Variants in PSPC1 observed in about 807,000 individuals in gnomAD.
PSPC1 encodes paraspeckle component 1, also known as paraspeckle protein 1.
PSPC1 carries 14 observed loss-of-function variants against 51.6 expected under a neutral mutation model. That is an observed-to-expected ratio of 0.27 (90% confidence interval 0.18 to 0.42). The LOEUF (loss-of-function observed/expected upper bound fraction) is 0.42. PSPC1 is among the 10% of genes least tolerant of loss of function. PSPC1 has a pLI of 1.00. For missense variants in PSPC1, 406 were observed against 701.1 expected, an observed-to-expected ratio of 0.58 and a Z score of 4.75; for synonymous variants, 193 against 231.9, an observed-to-expected ratio of 0.83 and a Z score of 1.53.
intron 5 of PSPC1, among the ~76,000 whole-genome samples, chr13:19,733,778 G>A (rs201376485): frequency 7.9e-5 from 11 of 138,528 alleles, no homozygotes; most frequent in East Asian, 4.1e-4. Flanking sequence ...CAAGAAAAAA[G>A]AAAAAAAAAT....
rs138491113 is a variant in PSPC1, at chr13:19,727,898, A to T, written c.1158+2341T>A. Among the ~76,000 whole-genome samples the T allele has an allele frequency of 8.6e-3, 1,312 of 152,322 alleles. 21 individuals carry two copies. Among genetic ancestry groups the T allele is most frequent in the African/African-American group, 0.03 (1,255 of 41,588 alleles). ...AAAGACAAACCTAAATGCAATTAAG[A>T]CATATTATTAAAATGTATACATTCT... On this transcript the variant is annotated intron_variant, in intron 6 of 8. Transcript: ENST00000338910.
At chr13:19,741,675 T>G in intron 4 of PSPC1, 26 bp from the exon 5 acceptor site, 1 of 1,439,772 alleles carries the variant, frequency 6.9e-7, no homozygotes, top group African/African-American at 1.4e-5. Context: ...TGCACATTAA[T>G]ATTTTTAGTT....
chr13:19,699,763 A>G (rs1040891569), downstream of PSPC1, among the ~76,000 whole-genome samples: 1 of 152,024 alleles, frequency 6.6e-6, no homozygotes, highest in African/African-American at 2.4e-5. Flanking sequence ...GAACACAGGA[A>G]AACATGAATA....
intron 6 of PSPC1, among the ~76,000 whole-genome samples, chr13:19,712,162 A>C (rs1418518595): frequency 2.0e-5 from 3 of 150,940 alleles, no homozygotes; most frequent in African/African-American, 7.5e-5. Context: ...ATCGAGTAAA[A>C]TACATGGATT....
At chr13:19,717,705 CAAAAAA>C (rs780984201) in intron 6 of PSPC1, among the ~76,000 whole-genome samples, 17 of 72,256 alleles carry the variant, frequency 2.4e-4, no homozygotes, top group Non-Finnish European at 2.7e-4. Flanking sequence ...GACTCTGTCT[CAAAAAA>C]AAAAAAAAAA....
At chr13:19,698,755 G>A (rs180844185), downstream of PSPC1, among the ~76,000 whole-genome samples, 52 of 151,990 alleles carry the variant, frequency 3.4e-4, no homozygotes, top group East Asian at 9.1e-3. Flanking sequence ...GCAGAGGAGG[G>A]AACTGATAGT....
intron 5 of PSPC1, among the ~76,000 whole-genome samples, chr13:19,739,407 A>G (rs746906900): frequency 3.2e-4 from 49 of 152,212 alleles, no homozygotes; most frequent in Non-Finnish European, 5.7e-4. Context: ...AGATTCAGGT[A>G]AGCCTTTATG....
intron 1 of PSPC1, among the ~76,000 whole-genome samples, chr13:19,779,975 C>G (rs1246640184): frequency 2.1e-5 from 3 of 142,074 alleles, no homozygotes; most frequent in East Asian, 2.2e-4. Flanking sequence ...GTCGGCCCCC[C>G]GCCCGGCCAG....
chr13:19,745,206 T>C (rs1388047010), intron 4 of PSPC1, among the ~76,000 whole-genome samples: 1 of 152,062 alleles, frequency 6.6e-6, no homozygotes, highest in Non-Finnish European at 1.5e-5. Flanking sequence ...TAGTCCCAGC[T>C]ACTCAAGGAG....
chr13:19,703,790 A>T (rs141536121), intron 8 of PSPC1, among the ~76,000 whole-genome samples: 50 of 152,302 alleles, frequency 3.3e-4, no homozygotes, highest in African/African-American at 1.2e-3. Flanking sequence ...TTTAAAAGTA[A>T]ACATTCTAAA....
intron 1 of PSPC1, among the ~76,000 whole-genome samples, chr13:19,776,719 G>C (rs1566059049): frequency 1.3e-5 from 2 of 151,912 alleles, no homozygotes; most frequent in East Asian, 4.0e-4. Flanking sequence ...GTGTTAGCCA[G>C]GATGGTCTCG....
Position 19,782,632 on chromosome 13 carries a change from G to A in PSPC1, c.126C>T (p.Ala42=), listed in dbSNP as rs770605163. 8 of 1,570,806 alleles carry A rather than the reference G, an allele frequency of 5.1e-6. No individual in the cohort carries two copies. Among genetic ancestry groups the A allele is most frequent in the East Asian group, 2.5e-5 (1 of 40,458 alleles). The change falls in exon 1 of 9, where the codon GCC becomes GCT. Residue 42 remains alanine (A), a synonymous_variant. Transcript: ENST00000338910. The surrounding 1 kb of genome is among the most constrained non-coding windows in gnomAD (Gnocchi z 4.5). ...AAAAAMALAL[A]GEPAPPAPAP... Reference sequence around the variant, plus strand: ...CGGGCGCGGGCGGTGCCGGCTCCCCGGCAAGAGCGAGCGCCATGGCTGCCG... The same window carrying A: ...CGGGCGCGGGCGGTGCCGGCTCCCCAGCAAGAGCGAGCGCCATGGCTGCCG...
downstream of PSPC1, among the ~76,000 whole-genome samples, chr13:19,700,561 T>A (rs1388179912): frequency 6.6e-6 from 1 of 152,082 alleles, no homozygotes; most frequent in Non-Finnish European, 1.5e-5. Flanking sequence ...ATGCATTTAT[T>A]TACAAAATAT....
chr13:19,699,584 G>T (rs75668481), downstream of PSPC1, among the ~76,000 whole-genome samples: 763 of 151,882 alleles, frequency 5.0e-3, 8 homozygotes, highest in African/African-American at 0.018. Flanking sequence ...CATAAGAGGT[G>T]GACTCTTCGA....
chr13:19,696,397 A>T (rs1879241438), intron 6 of PSPC1, among the ~76,000 whole-genome samples: 1 of 152,070 alleles, frequency 6.6e-6, no homozygotes, highest in South Asian at 2.1e-4. Context: ...AATTTTTTGG[A>T]ACAAACAACT....
intron 6 of PSPC1, among the ~76,000 whole-genome samples, chr13:19,710,899 G>A (rs1008037215): frequency 7.9e-5 from 12 of 151,360 alleles, no homozygotes; most frequent in African/African-American, 1.2e-4. Flanking sequence ...GTGCAGTGGC[G>A]TCATGATAGC....
At chr13:19,757,580 A>T (rs1358526898) in intron 3 of PSPC1, among the ~76,000 whole-genome samples, 2 of 152,180 alleles carry the variant, frequency 1.3e-5, no homozygotes, top group African/African-American at 4.8e-5. Context: ...TTCAGCTATA[A>T]CAGGAAATAT....
At chr13:19,734,288 C>T (rs74861129) in intron 5 of PSPC1, among the ~76,000 whole-genome samples, 4 of 152,192 alleles carry the variant, frequency 2.6e-5, no homozygotes, top group South Asian at 2.1e-4. Flanking sequence ...TAAACCTTCA[C>T]GTTACATTTA....
intron 5 of PSPC1, among the ~76,000 whole-genome samples, chr13:19,733,886 G>A (rs1189094835): frequency 6.6e-6 from 1 of 151,994 alleles, no homozygotes; most frequent in African/African-American, 2.4e-5. Context: ...CCCATAAGGT[G>A]AGACTGCGGG....
Sources: gnomAD v4.1 joint callset for allele counts (sites outside exome capture counted in the v4.1 genomes callset) on GRCh38, gnomAD v4.1.1 for gene constraint, Gnocchi (gnomAD v3.1) non-coding constraint, MANE v1.5 for transcripts, NCBI Gene and HGNC (gene_info 2026-07-23, HGNC 2026-07-21) for gene names.